Variants in ZRANB3 observed in about 807,000 individuals in gnomAD.
The protein encoded by ZRANB3 is DNA annealing helicase and endonuclease ZRANB3.
ZRANB3 carries 125 observed loss-of-function variants against 133.8 expected under a neutral mutation model. The observed-to-expected ratio is 0.93, with a 90% CI of 0.81 to 1.08. The LOEUF (loss-of-function observed/expected upper bound fraction) is 1.08, where lower values mean the gene tolerates loss of function less well. ZRANB3 is among the 50% of genes least tolerant of loss of function. ZRANB3 has a pLI of 0.00. For missense variants in ZRANB3, 1,229 were observed against 1,275.5 expected, an observed-to-expected ratio of 0.96 and a Z score of 0.56; for synonymous variants, 387 against 432.7, an observed-to-expected ratio of 0.89 and a Z score of 1.31.
intron 6 of ZRANB3, among the ~76,000 whole-genome samples, chr2:135,322,862 C>A (rs1162159027): frequency 6.6e-6 from 1 of 151,728 alleles, no homozygotes; most frequent in Non-Finnish European, 1.5e-5. Flanking sequence ...ACTAAAAATA[C>A]AAAAATTAGC....
At chr2:135,427,831 T>C (rs772633182) in intron 2 of ZRANB3, among the ~76,000 whole-genome samples, 1 of 152,094 alleles carries the variant, frequency 6.6e-6, no homozygotes, top group Non-Finnish European at 1.5e-5. Context: ...CAAAACAGCA[T>C]GGTACTGGCA....
rs1034823045 is a variant in ZRANB3, at chr2:135,240,760, T to C, written c.1540-9833A>G. Among the ~76,000 whole-genome samples, 48 of 152,036 alleles carry C rather than the reference T, an allele frequency of 3.2e-4. 1 individual carries two copies. The highest frequency in any genetic ancestry group is 7.4e-5 in the Non-Finnish European group (5 of 67,986). ...TGCCTGGCTAATTTTTGTATTTTTTTGCAGAGATTGAGTTTCAACATGTTG... is the reference window on the plus strand; with the variant it reads ...TGCCTGGCTAATTTTTGTATTTTTTCGCAGAGATTGAGTTTCAACATGTTG... On this transcript the variant is annotated intron_variant, in intron 12 of 20. Transcript: ENST00000264159.
chr2:135,376,244 G>C (rs1175221154), intron 3 of ZRANB3, among the ~76,000 whole-genome samples: 1 of 152,098 alleles, frequency 6.6e-6, no homozygotes, highest in African/African-American at 2.4e-5. Context: ...TTCTAGCCTC[G>C]AGCTATGAGA....
intron 2 of ZRANB3, among the ~76,000 whole-genome samples, chr2:135,398,551 C>A (rs187616724): frequency 7.9e-6 from 1 of 126,732 alleles, no homozygotes; most frequent in East Asian, 2.3e-4. Flanking sequence ...TGGAGTCTTG[C>A]TCTGTCGCCC....
chr2:135,381,543 G>A (rs1412481611), intron 3 of ZRANB3, among the ~76,000 whole-genome samples: 6 of 152,180 alleles, frequency 3.9e-5, no homozygotes, highest in Non-Finnish European at 8.8e-5. Context: ...CGGATAGACT[G>A]CCTCTCACGT....
intron 3 of ZRANB3, among the ~76,000 whole-genome samples, chr2:135,381,235 A>G (rs1258353399): frequency 2.6e-5 from 4 of 152,198 alleles, no homozygotes; most frequent in African/African-American, 9.6e-5. Context: ...TCCTACGCCC[A>G]CGGAGCCTAG....
At chr2:135,235,917 A>G (rs545167096) in intron 12 of ZRANB3, among the ~76,000 whole-genome samples, 48 of 151,974 alleles carry the variant, frequency 3.2e-4, no homozygotes, top group South Asian at 2.3e-3. Context: ...TATTCAACAT[A>G]GTGTTGGAAG....
In ZRANB3 at chr2:135,427,469, CAAG is replaced by C. The variant is rs1689142263; in HGVS notation, c.162-36652_162-36650del. On this transcript the variant is annotated intron_variant, in intron 2 of 20. Coordinates refer to ENST00000264159, the MANE Select transcript of ZRANB3 (RefSeq NM_032143.4). Reference sequence around the variant, plus strand: ...GAGCCCAATCCATCCACAACAGCCACAAGAAGAATAAAATACCTAGGAATACAG... The same window carrying C: ...GAGCCCAATCCATCCACAACAGCCACAAGAATAAAATACCTAGGAATACAG... Among the ~76,000 whole-genome samples the C allele has an allele frequency of 2.0e-5, 3 of 152,066 alleles. No homozygotes were observed. The South Asian group carries it at 6.2e-4, about 31-fold the overall frequency.
At chr2:135,257,590 C>T (rs555531128) in intron 12 of ZRANB3, among the ~76,000 whole-genome samples, 7 of 152,268 alleles carry the variant, frequency 4.6e-5, no homozygotes, top group African/African-American at 1.7e-4. Flanking sequence ...ATTGCCAATA[C>T]TTGTCTTTTT....
chr2:135,488,224 T>C (rs1222456728), intron 2 of ZRANB3, among the ~76,000 whole-genome samples: 1 of 152,168 alleles, frequency 6.6e-6, no homozygotes, highest in Non-Finnish European at 1.5e-5. Flanking sequence ...GTATCATTCA[T>C]GGTACCCCAA....
intron 3 of ZRANB3, among the ~76,000 whole-genome samples, chr2:135,364,285 GAAAC>G (rs1685827518): frequency 1.3e-5 from 2 of 152,278 alleles, no homozygotes; most frequent in South Asian, 2.1e-4. Flanking sequence ...CTCATCAGGA[GAAAC>G]AAACAGATAA....
intron 12 of ZRANB3, among the ~76,000 whole-genome samples, chr2:135,234,647 G>A (rs1000955176): frequency 2.0e-5 from 3 of 152,236 alleles, no homozygotes; most frequent in Admixed American, 6.5e-5. Flanking sequence ...ACTCAAAACC[G>A]CATAACTACA....
intron 2 of ZRANB3, among the ~76,000 whole-genome samples, chr2:135,481,213 T>G (rs888577366): frequency 3.3e-5 from 5 of 151,156 alleles, no homozygotes; most frequent in Non-Finnish European, 7.4e-5. Context: ...ATGGATGAAC[T>G]AGTTTACAGT....
chr2:135,513,762 T>C (rs974224533), intron 1 of ZRANB3, among the ~76,000 whole-genome samples: 1 of 151,272 alleles, frequency 6.6e-6, no homozygotes, highest in African/African-American at 2.5e-5. Flanking sequence ...TTTTAGGTCT[T>C]ATGTTTAAGT....
intron 2 of ZRANB3, among the ~76,000 whole-genome samples, chr2:135,460,938 A>AATT (rs1161802293): frequency 6.6e-6 from 1 of 152,180 alleles, no homozygotes; most frequent in African/African-American, 2.4e-5. Context: ...AAATTAACTA[A>AATT]AAGGCAATAA....
chr2:135,283,768 T>C (rs1329645612), intron 8 of ZRANB3, among the ~76,000 whole-genome samples: 7 of 152,162 alleles, frequency 4.6e-5, no homozygotes. Flanking sequence ...ATACACAGAA[T>C]GTACAGACTT....
chr2:135,452,152 G>A (rs941340121), intron 2 of ZRANB3, among the ~76,000 whole-genome samples: 2 of 152,132 alleles, frequency 1.3e-5, no homozygotes, highest in African/African-American at 4.8e-5. Context: ...AGAGGCAAAA[G>A]GAAAATGAGG....
At chr2:135,435,029 G>A (rs1237367141) in intron 2 of ZRANB3, among the ~76,000 whole-genome samples, 1 of 151,510 alleles carries the variant, frequency 6.6e-6, no homozygotes, top group Non-Finnish European at 1.5e-5. Context: ...ACATGTGAAG[G>A]TTTGTTACAG....
At chr2:135,429,894 C>G (rs1261007579) in intron 2 of ZRANB3, among the ~76,000 whole-genome samples, 2 of 152,096 alleles carry the variant, frequency 1.3e-5, no homozygotes, top group South Asian at 2.1e-4. Context: ...GTATAAAAAT[C>G]AAACCAGGCT....
Sources: allele counts gnomAD v4.1 joint callset (sites outside exome capture counted in the v4.1 genomes callset), GRCh38; gene constraint gnomAD v4.1.1; transcripts MANE v1.5; gene names NCBI Gene and HGNC (gene_info 2026-07-23, HGNC 2026-07-21).